Variants in KCNJ3 observed in about 807,000 individuals in gnomAD.
The protein encoded by KCNJ3 is potassium inwardly rectifying channel subfamily J member 3, also known as G protein-activated inward rectifier potassium channel 1.
In KCNJ3, 4 loss-of-function variants were observed where a neutral mutation model predicts 39.2. The ratio of observed to expected loss-of-function variants is 0.10; its 90% CI spans 0.05 to 0.23. The LOEUF is 0.23. Ranked by LOEUF, KCNJ3 falls within the 10% of genes least tolerant of loss-of-function variation. KCNJ3 has a pLI of 1.00. For missense variants in KCNJ3, 276 were observed against 634.9 expected (o/e 0.43, Z 6.08); for synonymous variants, 230 against 237.4 (o/e 0.97, Z 0.29).
chr2:154,757,211 G>C (rs1685956503), intron 2 of KCNJ3, among the ~76,000 whole-genome samples: 1 of 151,942 alleles, frequency 6.6e-6, no homozygotes, highest in Admixed American at 6.6e-5. Context: ...TTCCATCCTT[G>C]TTTTGTGTTT....
chr2:154,736,525 T>G (rs553820918), intron 2 of KCNJ3, among the ~76,000 whole-genome samples: 1 of 152,032 alleles, frequency 6.6e-6, no homozygotes, highest in Non-Finnish European at 1.5e-5. Flanking sequence ...GGATTCTGCC[T>G]GTGGTCACCC....
intron 2 of KCNJ3, among the ~76,000 whole-genome samples, chr2:154,738,126 A>G (rs905064512): frequency 6.6e-6 from 1 of 152,120 alleles, no homozygotes; most frequent in African/African-American, 2.4e-5. Flanking sequence ...TTGCAACAAC[A>G]TGGATGGAAA....
chr2:154,769,341 A>T (rs934403959), intron 2 of KCNJ3, among the ~76,000 whole-genome samples: 1 of 152,094 alleles, frequency 6.6e-6, no homozygotes, highest in African/African-American at 2.4e-5. Flanking sequence ...AATAGCTCTT[A>T]TTATTTTGAG....
chr2:154,806,642 CTT>C (rs1276640282), intron 2 of KCNJ3, among the ~76,000 whole-genome samples: 3 of 152,124 alleles, frequency 2.0e-5, no homozygotes, highest in South Asian at 4.2e-4. Context: ...GAAAAAAACA[CTT>C]TGTGGCCCTA....
At chr2:154,758,295 A>C (rs900450076) in intron 2 of KCNJ3, among the ~76,000 whole-genome samples, 1 of 152,128 alleles carries the variant, frequency 6.6e-6, no homozygotes, top group Non-Finnish European at 1.5e-5. Flanking sequence ...ATTAAATGCA[A>C]TTGAATAAAA....
intron 2 of KCNJ3, among the ~76,000 whole-genome samples, chr2:154,811,999 G>A (rs1051541624): frequency 1.2e-4 from 18 of 152,002 alleles, no homozygotes; most frequent in African/African-American, 3.1e-4. Flanking sequence ...TTCAGCATCC[G>A]TTTCTACCAG....
rs1574431580 is a variant in KCNJ3, at chr2:154,714,136, TATGC to T, written c.919+4320_919+4323del. Among the ~76,000 whole-genome samples the T allele has an allele frequency of 2.0e-5, 3 of 152,244 alleles. No individual in the cohort carries two copies. The East Asian group carries it at 5.8e-4, about 29-fold the overall frequency. The stretch of plus-strand genomic sequence containing the variant: ...GTCTTTTATAGCTACAAATGTTTCT[TATGC>T]ATTGCTTTCCACCACCTATGACTCA... On this transcript the variant is annotated intron_variant, in intron 2 of 2. Transcript: ENST00000295101.
chr2:154,699,098 C>G lies in KCNJ3; in HGVS notation c.323C>G (p.Thr108Ser). ...TCCATGTGGTGGGTGATCGCCTACA[C>G]TCGGGGCGACCTGAACAAAGCCCAC... ...MASMWWVIAYTRGDLNKAHVG... is the reference protein window; with the variant it reads ...MASMWWVIAYSRGDLNKAHVG... The change falls in exon 1 of 3, where the codon ACT (threonine) becomes AGT (serine). Residue 108 changes from threonine to serine, a missense_variant. By Grantham distance (58) the Thr-to-Ser change is moderately conservative (BLOSUM62 1). Around this residue, in one of 4 missense-constraint regions of KCNJ3, gnomAD observed 46 missense variants for 206.6 expected, o/e 0.22. Transcript: ENST00000295101. This position sits in a 1 kb window ranked among gnomAD's most constrained non-coding sequence, Gnocchi z 6.4. The G allele has an allele frequency of 6.2e-7, 1 of 1,614,254 alleles. No homozygotes were observed. The highest frequency in any genetic ancestry group is 8.5e-7 in the Non-Finnish European group (1 of 1,180,054).
At chr2:154,840,440 T>C (rs978746744) in intron 2 of KCNJ3, among the ~76,000 whole-genome samples, 4 of 152,190 alleles carry the variant, frequency 2.6e-5, no homozygotes, top group African/African-American at 9.7e-5. Context: ...TTTGGTTCCA[T>C]ATGAACTTTA....
chr2:154,715,642 T>G (rs1372681215), intron 2 of KCNJ3, among the ~76,000 whole-genome samples: 1 of 152,260 alleles, frequency 6.6e-6, no homozygotes. Flanking sequence ...TCTATCGCAC[T>G]GTTAACACAT....
chr2:154,796,128 G>A (rs975058793), intron 2 of KCNJ3, among the ~76,000 whole-genome samples: 3 of 152,066 alleles, frequency 2.0e-5, no homozygotes, highest in Non-Finnish European at 4.4e-5. Flanking sequence ...AGGTTGGGAT[G>A]CAGTGCTAAA....
At chr2:154,781,892 T>C (rs1031496826) in intron 2 of KCNJ3, among the ~76,000 whole-genome samples, 1 of 152,180 alleles carries the variant, frequency 6.6e-6, no homozygotes, top group Admixed American at 6.5e-5. Flanking sequence ...TAATTACATT[T>C]ATTCAGTGTT....
intron 2 of KCNJ3, among the ~76,000 whole-genome samples, chr2:154,849,179 G>A (rs186143187): frequency 6.6e-6 from 1 of 152,214 alleles, no homozygotes; most frequent in African/African-American, 2.4e-5. Flanking sequence ...AAAATAGGAA[G>A]GGGGATAACA....
chr2:154,715,527 T>G (rs1685167700), intron 2 of KCNJ3, among the ~76,000 whole-genome samples: 1 of 152,228 alleles, frequency 6.6e-6, no homozygotes, highest in Admixed American at 6.5e-5. Context: ...TTTTCTTCAA[T>G]ACCTCATTAA....
At position 154,849,969 on chromosome 2, in the gene KCNJ3, T is replaced by C. The variant is rs184245372; in HGVS notation, c.920-4758T>C. Reference sequence around the variant, plus strand: ...CACTAAACAATAATATATACCCTTTTAAATCTGTGAATATTGCAATGCAAT... The same window carrying C: ...CACTAAACAATAATATATACCCTTTCAAATCTGTGAATATTGCAATGCAAT... On this transcript the variant is annotated intron_variant, in intron 2 of 2. Transcript: ENST00000295101. Among the ~76,000 whole-genome samples the C allele has an allele frequency of 3.4e-3, 515 of 149,622 alleles. 2 individuals carry two copies. Among genetic ancestry groups the C allele is most frequent in the Middle Eastern group, 7.0e-3 (2 of 286 alleles).
intron 2 of KCNJ3, among the ~76,000 whole-genome samples, chr2:154,823,304 A>T (rs1426183458): frequency 6.6e-6 from 1 of 152,050 alleles, no homozygotes; most frequent in African/African-American, 2.4e-5. Context: ...TTTGATAGAG[A>T]ATTAGAAGGG....
chr2:154,799,308 T>C (rs1173077251), intron 2 of KCNJ3, among the ~76,000 whole-genome samples: 1 of 152,048 alleles, frequency 6.6e-6, no homozygotes, highest in African/African-American at 2.4e-5. Flanking sequence ...CCCAGCTAAT[T>C]TTTGCATTTG....
intron 2 of KCNJ3, among the ~76,000 whole-genome samples, chr2:154,789,615 C>T (rs1228324360): frequency 6.6e-6 from 1 of 152,034 alleles, no homozygotes; most frequent in African/African-American, 2.4e-5. Flanking sequence ...GTAGCCAGAA[C>T]ATACATATAG....
chr2:154,748,309 T>G (rs901096992), intron 2 of KCNJ3, among the ~76,000 whole-genome samples: 1 of 152,028 alleles, frequency 6.6e-6, no homozygotes, highest in Non-Finnish European at 1.5e-5. Context: ...CTCTCTTTCA[T>G]GTGCTAGGGA....
Sources: allele counts gnomAD v4.1 joint callset (sites outside exome capture counted in the v4.1 genomes callset), GRCh38; gene constraint gnomAD v4.1.1; regional missense constraint gnomAD v4.1.1; non-coding constraint Gnocchi (gnomAD v3.1); transcripts MANE v1.5; gene names NCBI Gene and HGNC (gene_info 2026-07-23, HGNC 2026-07-21).